SLC30A7: variants seen among roughly 807,000 people sequenced by gnomAD.
SLC30A7 encodes the protein zinc transporter 7.
A neutral mutation model predicts 46.0 loss-of-function variants in SLC30A7; 35 were observed. That is an observed-to-expected ratio of 0.76 (90% CI 0.58 to 1.01). The LOEUF (loss-of-function observed/expected upper bound fraction) is 1.01. Ranked by LOEUF, SLC30A7 falls within the 50% of genes least tolerant of loss-of-function variation. The pLI is 0.00. For missense variants in SLC30A7, 464 were observed against 451.1 expected, an observed-to-expected ratio of 1.03 and a Z score of -0.26; for synonymous variants, 147 against 157.8, an observed-to-expected ratio of 0.93 and a Z score of 0.51.
chr1:100,932,572 T>A (rs960616110), intron 8 of SLC30A7, among the ~76,000 whole-genome samples: 3 of 152,208 alleles, frequency 2.0e-5, no homozygotes, highest in African/African-American at 7.2e-5. Flanking sequence ...TATATATGTG[T>A]AGGTCTGTGA....
intron 5 of SLC30A7, among the ~76,000 whole-genome samples, chr1:100,912,890 AGT>A (rs146877144): frequency 2.0e-5 from 3 of 150,984 alleles, no homozygotes; most frequent in Non-Finnish European, 4.4e-5. Context: ...AAAAAAAAAA[AGT>A]GTGTGTGTTT....
At chr1:100,912,391 C>G (rs112482142) in intron 5 of SLC30A7, among the ~76,000 whole-genome samples, 153 bp downstream of exon 5, 2 of 152,292 alleles carry the variant, frequency 1.3e-5, no homozygotes, top group African/African-American at 2.4e-5. Flanking sequence ...TCTTTATGCC[C>G]CTCCATCTCA....
At chr1:100,916,423 G>A (rs528948532) in intron 6 of SLC30A7, among the ~76,000 whole-genome samples, 32 of 152,230 alleles carry the variant, frequency 2.1e-4, no homozygotes, top group African/African-American at 7.2e-4. Context: ...CTGACATCGT[G>A]ATCCACCTGC....
At chr1:100,932,939 T>C (rs1443644675) in intron 8 of SLC30A7, among the ~76,000 whole-genome samples, 1 of 152,186 alleles carries the variant, frequency 6.6e-6, no homozygotes, top group Non-Finnish European at 1.5e-5. Context: ...TTATTTTCCA[T>C]AGCAGTTTGT....
intron 8 of SLC30A7, chr1:100,941,009 G>C: frequency 2.8e-6 from 1 of 352,458 alleles, no homozygotes; most frequent in Non-Finnish European, 5.5e-6. Flanking sequence ...TTATTTCCTA[G>C]CAGTAATTAA....
At chr1:100,968,402 A>G (rs181799795) in intron 10 of SLC30A7, among the ~76,000 whole-genome samples, 3 of 152,030 alleles carry the variant, frequency 2.0e-5, no homozygotes, top group African/African-American at 7.2e-5. Context: ...CAGAGGTTGC[A>G]GTGAGCTGAG....
At chr1:100,922,589 T>C (rs1653018751) in intron 8 of SLC30A7, among the ~76,000 whole-genome samples, 1 of 152,180 alleles carries the variant, frequency 6.6e-6, no homozygotes, top group South Asian at 2.1e-4. Context: ...CTACCTGAAA[T>C]GAATTATGTC....
rs372371505 is a variant in SLC30A7 at position 100,965,805 on chromosome 1, C to G, written c.970C>G (p.Gln324Glu). ...QLQGVYSLQE[Q>E]HFWTLCSDVY... ...GCAAGGAGTTTACAGTTTACAGGAA[C>G]AGCACTTCTGGACTTTATGTTCTGA... is the stretch of plus-strand genomic sequence containing the variant. The change falls in exon 10 of 11, where the codon CAG becomes GAG. Residue 324 changes from glutamine to glutamate, a missense_variant. By Grantham distance (29) the Gln-to-Glu change is conservative. Coordinates refer to ENST00000357650, the MANE Select transcript of SLC30A7 (RefSeq NM_133496.5). The G allele has an allele frequency of 1.4e-5, 23 of 1,613,650 alleles. No individual in the cohort carries two copies. Among genetic ancestry groups the G allele is most frequent in the Non-Finnish European group, 1.9e-5 (22 of 1,179,714 alleles).
intron 8 of SLC30A7, among the ~76,000 whole-genome samples, chr1:100,958,554 GT>G (rs1448971725): frequency 6.6e-6 from 1 of 152,060 alleles, no homozygotes; most frequent in African/African-American, 2.4e-5. Context: ...TGCTGGAAAT[GT>G]TTCCCCTTTT....
chr1:100,925,673 G>A (rs1653247673), intron 8 of SLC30A7, among the ~76,000 whole-genome samples: 1 of 152,122 alleles, frequency 6.6e-6, no homozygotes, highest in Admixed American at 6.5e-5. Flanking sequence ...GAGTGAATGA[G>A]GTGTCATTAC....
intron 7 of SLC30A7, among the ~76,000 whole-genome samples, chr1:100,919,985 TC>T: frequency 6.6e-6 from 1 of 152,134 alleles, no homozygotes; most frequent in Non-Finnish European, 1.5e-5. Context: ...AAGTTAAACA[TC>T]CTAGTTTATG....
At chr1:100,955,851 G>A (rs17448827) in intron 8 of SLC30A7, among the ~76,000 whole-genome samples, 19,590 of 151,918 alleles carry the variant, frequency 0.13, 1,415 homozygotes, top group Non-Finnish European at 0.17. Flanking sequence ...GTGTATCACC[G>A]TGTGATTTAG....
In SLC30A7 at chr1:100,974,879, C is replaced by A. The variant is rs749803365; in HGVS notation, c.*22C>A. The A allele has an allele frequency of 1.3e-6, 2 of 1,593,288 alleles. No homozygotes were observed. The highest frequency in any genetic ancestry group is 2.2e-5 in the East Asian group (1 of 44,534). On this transcript the variant is annotated 3_prime_UTR_variant, in exon 11 of 11. Transcript: ENST00000357650. Reference sequence around the variant, plus strand: ...GTAGTGAATGGAAAGAAATTATGCACCTTTTATGGACCAAATTTTTCTGGT... The same window carrying A: ...GTAGTGAATGGAAAGAAATTATGCAACTTTTATGGACCAAATTTTTCTGGT...
intron 8 of SLC30A7, among the ~76,000 whole-genome samples, chr1:100,946,372 A>G (rs767377410): frequency 6.6e-6 from 1 of 152,224 alleles, no homozygotes; most frequent in Non-Finnish European, 1.5e-5. Flanking sequence ...GCCGGTTTTC[A>G]AAGGAAATGC....
intron 9 of SLC30A7, 123 bp downstream of exon 9, chr1:100,962,041 A>T: frequency 1.8e-6 from 1 of 546,246 alleles, no homozygotes; most frequent in Non-Finnish European, 3.2e-6. Context: ...TTGAATGCTG[A>T]CCATGAAATG....
chr1:100,930,219 A>G (rs1653583025), intron 8 of SLC30A7, among the ~76,000 whole-genome samples: 1 of 152,036 alleles, frequency 6.6e-6, no homozygotes, highest in African/African-American at 2.4e-5. Flanking sequence ...ACTTTTATAT[A>G]CATATATATA....
At chr1:100,912,816 TGCA>T (rs1434895736) in intron 5 of SLC30A7, among the ~76,000 whole-genome samples, 1 of 151,414 alleles carries the variant, frequency 6.6e-6, no homozygotes, top group Non-Finnish European at 1.5e-5. Context: ...AGGTGGAGGT[TGCA>T]GCGAGCCGAG....
In SLC30A7 at chr1:100,906,920, C is replaced by A; in HGVS notation, c.251C>A (p.Ala84Asp). Residue 84 changes from alanine to aspartate, a missense_variant, in exon 3 of 11, where the codon GCT (alanine) becomes GAT (aspartate). Coordinates refer to ENST00000357650, the MANE Select transcript of SLC30A7 (RefSeq NM_133496.5). ...ACTGCCATTTTGGCTGGACTGGCAG[C>A]TTCTGTTATTTCAAAATGGAGAGAT... ...DSTAILAGLA[A>D]SVISKWRDND... 1 of 1,613,326 alleles carries A rather than the reference C, an allele frequency of 6.2e-7. No individual in the cohort carries two copies. Among genetic ancestry groups the A allele is most frequent in the Non-Finnish European group, 8.5e-7 (1 of 1,179,492 alleles).
At chr1:100,949,656 C>T (rs540304366) in intron 8 of SLC30A7, among the ~76,000 whole-genome samples, 19 of 152,336 alleles carry the variant, frequency 1.2e-4, no homozygotes, top group South Asian at 1.2e-3. Flanking sequence ...TACTGAGCTG[C>T]GGTGGGCCCC....
Sources: allele counts gnomAD v4.1 joint callset (sites outside exome capture counted in the v4.1 genomes callset), GRCh38; gene constraint gnomAD v4.1.1; transcripts MANE v1.5; gene names NCBI Gene and HGNC (gene_info 2026-07-23, HGNC 2026-07-21).